PDE7B: variants seen among roughly 807,000 people sequenced by gnomAD.
PDE7B encodes the protein phosphodiesterase 7B.
In PDE7B, 29 loss-of-function variants were observed where a neutral mutation model predicts 56.2. That is an observed-to-expected ratio of 0.52 (90% CI 0.38 to 0.70). The LOEUF (loss-of-function observed/expected upper bound fraction) is 0.70. Ranked by LOEUF, PDE7B falls within the 30% of genes least tolerant of loss-of-function variation. The pLI, the probability that PDE7B is intolerant of heterozygous loss-of-function variation, is 0.00. For synonymous variants in PDE7B, 197 were observed against 196.9 expected (o/e 1.00, Z 0.00); for missense variants, 490 against 565.0 (o/e 0.87, Z 1.35).
rs867048711 is a variant in PDE7B, at chr6:135,980,680, A to T, written c.82+33156A>T. 5.3e-5 allele frequency among the ~76,000 whole-genome samples: 8 copies of T among 151,938 alleles called. No individual in the cohort carries two copies. The East Asian group carries it at 7.7e-4, about 15-fold the overall frequency. ...TTTATGCAGCCAAAAAACACATGAA[A>T]AAATGCTCACCATCACTGGCCATCA... is the stretch of plus-strand genomic sequence containing the variant. On this transcript the variant is annotated intron_variant, in intron 2 of 12. Transcript: ENST00000308191.
intron 2 of PDE7B, among the ~76,000 whole-genome samples, chr6:136,031,466 G>C (rs888495398): frequency 2.0e-5 from 3 of 152,128 alleles, no homozygotes; most frequent in African/African-American, 7.2e-5. Flanking sequence ...GGGGCCGGGC[G>C]CGGTGGCTCA....
At chr6:135,933,792 A>G (rs1041565647) in intron 1 of PDE7B, among the ~76,000 whole-genome samples, 4 of 152,170 alleles carry the variant, frequency 2.6e-5, no homozygotes, top group African/African-American at 7.2e-5. Flanking sequence ...ATGATCTTCA[A>G]GATTTCTCAA....
At chr6:136,014,706 G>A (rs1044882937) in intron 2 of PDE7B, among the ~76,000 whole-genome samples, 5 of 152,124 alleles carry the variant, frequency 3.3e-5, no homozygotes, top group African/African-American at 1.2e-4. Flanking sequence ...ACAGAACTGG[G>A]GTTCTTTTGA....
At chr6:136,021,152 T>G (rs1381651877) in intron 2 of PDE7B, among the ~76,000 whole-genome samples, 1 of 152,220 alleles carries the variant, frequency 6.6e-6, no homozygotes, top group Non-Finnish European at 1.5e-5. Context: ...GGACTGGCTT[T>G]TCCCCTGTAC....
intron 1 of PDE7B, among the ~76,000 whole-genome samples, chr6:135,932,043 T>C (rs1297910005): frequency 6.6e-6 from 1 of 151,816 alleles, no homozygotes; most frequent in African/African-American, 2.4e-5. Context: ...AAAGTAGACC[T>C]GGATTCAGGC....
At chr6:136,029,135 A>G (rs1776197835) in intron 2 of PDE7B, among the ~76,000 whole-genome samples, 1 of 152,232 alleles carries the variant, frequency 6.6e-6, no homozygotes, top group Non-Finnish European at 1.5e-5. Flanking sequence ...TTCATGTTAC[A>G]TGTTTGAAAA....
At chr6:136,073,168 A>G (rs1354403372) in intron 2 of PDE7B, among the ~76,000 whole-genome samples, 1 of 152,078 alleles carries the variant, frequency 6.6e-6, no homozygotes, top group Admixed American at 6.5e-5. Flanking sequence ...AACTAGGGCC[A>G]CAAGCAAAGT....
chr6:136,144,925 G>A (rs1014739159), intron 3 of PDE7B, among the ~76,000 whole-genome samples: 3 of 152,044 alleles, frequency 2.0e-5, no homozygotes, highest in African/African-American at 7.2e-5. Context: ...GGAAGATGAT[G>A]CCCCCTCCAC....
chr6:136,147,323 A>T, intron 3 of PDE7B, 28 bp from the exon 4 acceptor site: 1 of 1,551,008 alleles, frequency 6.4e-7, no homozygotes, highest in Non-Finnish European at 8.8e-7. Flanking sequence ...TAAATATATA[A>T]ATTTCTTGAC....
At chr6:135,930,119 C>A (rs916884470) in intron 1 of PDE7B, among the ~76,000 whole-genome samples, 14 of 152,202 alleles carry the variant, frequency 9.2e-5, no homozygotes, top group African/African-American at 3.1e-4. Flanking sequence ...TTCCATATGG[C>A]TGGGGAGGCC....
rs962308869 is a variant in PDE7B, at chr6:136,151,357, A to G, written c.478+102A>G. The G allele has an allele frequency of 6.9e-5, 44 of 633,116 alleles. No individual in the cohort carries two copies. The African/African-American group carries it at 7.8e-4, about 11-fold the overall frequency. The allele number at this position is 633,116 out of a possible 1,614,324, so 39.2% of individuals were successfully genotyped here. On this transcript the variant is annotated intron_variant, in intron 6 of 12. Transcript: ENST00000308191. ...GTAAGATCCATAGGATGATAGATGC[A>G]TACCTCCAATTAATCTTAAATGGTC...
At chr6:136,074,717 C>A (rs574181127) in intron 2 of PDE7B, among the ~76,000 whole-genome samples, 2 of 152,140 alleles carry the variant, frequency 1.3e-5, no homozygotes, top group Non-Finnish European at 2.9e-5. Context: ...TTTAATCTAA[C>A]GACCTCCGAG....
At chr6:135,860,843 AT>A (rs67709894) in intron 1 of PDE7B, among the ~76,000 whole-genome samples, 56 of 149,380 alleles carry the variant, frequency 3.7e-4, no homozygotes, top group Admixed American at 5.3e-4. Context: ...CTTGTTTTAA[AT>A]TTTTTTTTTT....
intron 1 of PDE7B, among the ~76,000 whole-genome samples, chr6:135,936,525 C>T (rs948545442): frequency 2.5e-4 from 38 of 152,148 alleles, no homozygotes; most frequent in African/African-American, 6.8e-4. Context: ...CTCACAGTGT[C>T]GTCTGTCCAG....
chr6:136,063,498 G>A (rs917040260), intron 2 of PDE7B, among the ~76,000 whole-genome samples: 12 of 152,146 alleles, frequency 7.9e-5, no homozygotes, highest in Non-Finnish European at 1.2e-4. Context: ...CTAGACTACT[G>A]CAGTAGTCCC....
At chr6:136,075,159 G>C (rs1777109539) in intron 2 of PDE7B, among the ~76,000 whole-genome samples, 1 of 152,066 alleles carries the variant, frequency 6.6e-6, no homozygotes, top group Non-Finnish European at 1.5e-5. Context: ...GTCTTCTCTT[G>C]GGTGCTTTCC....
intron 2 of PDE7B, among the ~76,000 whole-genome samples, chr6:135,958,348 T>C (rs1307563267): frequency 6.6e-6 from 1 of 152,224 alleles, no homozygotes; most frequent in African/African-American, 2.4e-5. Context: ...TAGGAATCTT[T>C]GTATACATCA....
intron 2 of PDE7B, among the ~76,000 whole-genome samples, chr6:136,003,791 C>T (rs1464940804): frequency 6.6e-6 from 1 of 152,186 alleles, no homozygotes; most frequent in Admixed American, 6.5e-5. Context: ...GAACTGGTAC[C>T]ATTCCTTCTG....
In PDE7B at chr6:135,854,151, T is replaced by G. The variant is rs114951442; in HGVS notation, c.21+2132T>G. On this transcript the variant is annotated intron_variant, in intron 1 of 12. Coordinates refer to ENST00000308191, the MANE Select transcript of PDE7B (RefSeq NM_018945.4). ...CCACCTGGAAAATGCCTCAGCCTAG[T>G]AATTATTCGTCTGAAGTCTAACTTG... Among the ~76,000 whole-genome samples the G allele has an allele frequency of 4.7e-3, 712 of 152,320 alleles. 6 individuals are homozygous for G. The highest frequency in any genetic ancestry group is 0.016 in the African/African-American group (685 of 41,568).
Sources: allele counts gnomAD v4.1 joint callset (sites outside exome capture counted in the v4.1 genomes callset), GRCh38; gene constraint gnomAD v4.1.1; transcripts MANE v1.5; gene names NCBI Gene and HGNC (gene_info 2026-07-23, HGNC 2026-07-21).